NEBL: variants seen among roughly 807,000 people sequenced by gnomAD.
NEBL encodes the protein nebulette.
Under a neutral mutation model 140.2 loss-of-function variants are expected in NEBL, and 122 were observed. The observed-to-expected ratio is 0.87, with a 90% CI of 0.75 to 1.01. The LOEUF (loss-of-function observed/expected upper bound fraction) is 1.01. Among genes scored for constraint, NEBL ranks in the 50% least tolerant of loss-of-function variants. The pLI is 0.00. For missense variants in NEBL, 1,365 were observed against 1,231.3 expected (o/e 1.11, Z -1.62); for synonymous variants, 436 against 398.9 (o/e 1.09, Z -1.11).
chr10:20,939,627 G>C (rs572413320), intron 4 of NEBL, among the ~76,000 whole-genome samples: 1 of 152,202 alleles, frequency 6.6e-6, no homozygotes, highest in East Asian at 1.9e-4. Context: ...CCAATTAAAA[G>C]GCACAGACTG....
chr10:21,041,438 A>G (rs536688569), intron 2 of NEBL, among the ~76,000 whole-genome samples: 24 of 152,338 alleles, frequency 1.6e-4, no homozygotes, highest in African/African-American at 5.5e-4. Flanking sequence ...CACCACTAAC[A>G]ACCAAGGGAA....
chr10:21,162,257 G>A (rs151205839), intron 2 of NEBL, among the ~76,000 whole-genome samples: 125 of 152,248 alleles, frequency 8.2e-4, no homozygotes, highest in Non-Finnish European at 1.3e-3. Context: ...TCTTCATCTG[G>A]CTGGTCTTGA....
In NEBL at chr10:21,200,240, G is replaced by A. The variant is rs117651233; in HGVS notation, n.349-27763C>T. Among the ~76,000 whole-genome samples, 12 of 150,640 alleles carry A rather than the reference G, an allele frequency of 8.0e-5. No homozygotes were observed. In the East Asian group the frequency reaches 2.0e-3, roughly 25 times the overall value. Reference sequence around the variant, plus strand: ...CATCTGAGGAAACCTGACCTAAGACGACAGCTGACTACATCTATTGACTGT... The same window carrying A: ...CATCTGAGGAAACCTGACCTAAGACAACAGCTGACTACATCTATTGACTGT... On this transcript the variant is annotated intron_variant and non_coding_transcript_variant, in intron 3 of 8. Transcript: ENST00000675702.
chr10:20,863,325 C>T (rs954021421), intron 7 of NEBL, among the ~76,000 whole-genome samples: 1 of 152,060 alleles, frequency 6.6e-6, no homozygotes, highest in African/African-American at 2.4e-5. Context: ...AAAAGCAGAC[C>T]CTGAATGAAG....
chr10:20,954,521 C>T (rs984840234), intron 4 of NEBL, among the ~76,000 whole-genome samples: 1 of 152,178 alleles, frequency 6.6e-6, no homozygotes, highest in African/African-American at 2.4e-5. Flanking sequence ...AGATGGGGTC[C>T]TTTGTCCCAC....
At chr10:20,876,827 T>C (rs1335585278) in intron 5 of NEBL, among the ~76,000 whole-genome samples, 1 of 152,218 alleles carries the variant, frequency 6.6e-6, no homozygotes, top group East Asian at 1.9e-4. Context: ...GCTTTCATTA[T>C]AAGCCCATCT....
At chr10:21,220,786 C>T (rs1471549409) in intron 3 of NEBL, among the ~76,000 whole-genome samples, 3 of 152,174 alleles carry the variant, frequency 2.0e-5, no homozygotes, top group Non-Finnish European at 2.9e-5. Context: ...ATATAAGGAA[C>T]TCAACCAATT....
chr10:21,216,476 A>G (rs1841994219), intron 3 of NEBL, among the ~76,000 whole-genome samples: 1 of 152,148 alleles, frequency 6.6e-6, no homozygotes. Context: ...CAACATGATG[A>G]AAACCCATCT....
In NEBL at chr10:21,049,268, C is replaced by T. The variant is rs552243063; in HGVS notation, c.165-29067G>A. 2.2e-4 allele frequency among the ~76,000 whole-genome samples: 34 copies of T among 152,294 alleles called. 1 individual carries two copies. The highest frequency in any genetic ancestry group is 9.1e-4 in the Admixed American group (14 of 15,302). ...CAAGCTGACATATCACATTGAACAT[C>T]ACAGTGGCCTTTTAGAGTGTTTCTC... On this transcript the variant is annotated intron_variant, in intron 2 of 6. Transcript: ENST00000417816.
chr10:20,825,169 A>T (rs1053539484), intron 18 of NEBL, among the ~76,000 whole-genome samples: 7 of 152,012 alleles, frequency 4.6e-5, no homozygotes, highest in Non-Finnish European at 1.0e-4. Context: ...CCTCTCCTAC[A>T]CTTTCTTCAC....
rs545193030 is a variant in NEBL at position 20,977,958 on chromosome 10, A to C, written c.250-16179T>G. Among the ~76,000 whole-genome samples the C allele has an allele frequency of 2.6e-5, 4 of 152,366 alleles. No individual in the cohort carries two copies. In the East Asian group the frequency reaches 7.7e-4, roughly 29 times the overall value. Reference sequence around the variant, plus strand: ...ACAAGAAAATAGGATCTGCCACGAAAAGAATACAGTATTTTAAGGGAATAG... The same window carrying C: ...ACAAGAAAATAGGATCTGCCACGAACAGAATACAGTATTTTAAGGGAATAG... On this transcript the variant is annotated intron_variant, in intron 3 of 6. Coordinates refer to the NEBL transcript ENST00000417816.
rs1458019322 is a variant in NEBL at position 20,944,869 on chromosome 10, A to G, written c.357+16803T>C. Among the ~76,000 whole-genome samples, 3 of 152,182 alleles carry G rather than the reference A, an allele frequency of 2.0e-5. No individual in the cohort carries two copies. The East Asian group carries it at 5.8e-4, about 29-fold the overall frequency. ...GCAGACATGTACAAATCCTAGTGCC[A>G]TAATCATACCCGGCTCAACAGTCAG... On this transcript the variant is annotated intron_variant, in intron 4 of 6. Coordinates refer to the NEBL transcript ENST00000417816.
At chr10:21,030,319 G>C in intron 2 of NEBL, 1 of 653,920 alleles carries the variant, frequency 1.5e-6, no homozygotes, top group South Asian at 1.5e-5. Flanking sequence ...CAGGAAGTGA[G>C]TCATCGCACA....
In NEBL at chr10:20,960,494, T is replaced by C. The variant is rs1170982218; in HGVS notation, c.357+1178A>G. ...AATCCCTACTAATATAAAATGTCCA[T>C]TTAAAGAGCAAAAAACAATGTGTAC... is the stretch of plus-strand genomic sequence containing the variant. On this transcript the variant is annotated intron_variant, in intron 4 of 6. Coordinates refer to the NEBL transcript ENST00000417816. 3.3e-5 allele frequency among the ~76,000 whole-genome samples: 5 copies of C among 152,174 alleles called. No homozygotes were observed. In the South Asian group the frequency reaches 8.3e-4, roughly 25 times the overall value.
intron 2 of NEBL, among the ~76,000 whole-genome samples, chr10:21,056,648 A>G (rs1564495171): frequency 6.6e-6 from 1 of 152,234 alleles, no homozygotes; most frequent in Non-Finnish European, 1.5e-5. Context: ...TGTCATGTCA[A>G]AAGAACTCGA....
intron 4 of NEBL, among the ~76,000 whole-genome samples, chr10:20,883,547 G>A (rs934953469): frequency 1.3e-5 from 2 of 152,194 alleles, no homozygotes; most frequent in African/African-American, 4.8e-5. Context: ...GAGAGGAGGA[G>A]TTTCATGGGT....
chr10:20,990,123 T>C (rs1456060406), intron 3 of NEBL, among the ~76,000 whole-genome samples: 1 of 152,208 alleles, frequency 6.6e-6, no homozygotes, highest in Non-Finnish European at 1.5e-5. Flanking sequence ...TTTAATATTT[T>C]GATAACTATA....
At chr10:20,899,192 T>C (rs1024136632), upstream of NEBL, among the ~76,000 whole-genome samples, 2 of 152,216 alleles carry the variant, frequency 1.3e-5, no homozygotes, top group Non-Finnish European at 2.9e-5. Context: ...TAATATTCTA[T>C]AGATCTATTA....
rs143090416 is a variant in NEBL, at chr10:21,243,809, G to A, written n.348+4112C>T. The stretch of plus-strand genomic sequence containing the variant: ...ACATTCTGCACACATTCCCCTAGGC[G>A]TACAGATAGCACAGTAGAAACAGCG... On this transcript the variant is annotated intron_variant and non_coding_transcript_variant, in intron 3 of 8. Coordinates refer to the NEBL transcript ENST00000675702. 2.6e-3 allele frequency among the ~76,000 whole-genome samples: 397 copies of A among 152,138 alleles called. 1 individual carries two copies. Among genetic ancestry groups the A allele is most frequent in the Non-Finnish European group, 4.1e-3 (279 of 68,012 alleles).
Sources: allele counts gnomAD v4.1 joint callset (sites outside exome capture counted in the v4.1 genomes callset), GRCh38; gene constraint gnomAD v4.1.1; transcripts MANE v1.5; gene names NCBI Gene and HGNC (gene_info 2026-07-23, HGNC 2026-07-21).